UGT1A5: variants seen among roughly 807,000 people sequenced by gnomAD.
UGT1A5 encodes UDP glucuronosyltransferase family 1 member A5, also known as UDP-glucuronosyltransferase 1A5.
In UGT1A5, 29 loss-of-function variants were observed where a neutral mutation model predicts 40.3. That is an observed-to-expected ratio of 0.72 (90% CI 0.54 to 0.98). UGT1A5 has a LOEUF of 0.98. Among genes scored for constraint, UGT1A5 ranks in the 50% least tolerant of loss-of-function variants. UGT1A5 has a pLI of 0.00. For missense variants in UGT1A5, 678 were observed against 677.9 expected, an observed-to-expected ratio of 1.00 and a Z score of 0.00; for synonymous variants, 257 against 262.5, an observed-to-expected ratio of 0.98 and a Z score of 0.20.
chr2:233,729,273 G>A (rs759495463), intron 1 of UGT1A5: 2 of 1,614,242 alleles, frequency 1.2e-6, no homozygotes, highest in Non-Finnish European at 1.7e-6. Context: ...AGGTCTTGCG[G>A]GAGCTCCATG....
At position 233,728,107 on chromosome 2, in the gene UGT1A5, C is replaced by T. The variant is rs144723980; in HGVS notation, c.867+14249C>T. On this transcript the variant is annotated intron_variant, in intron 1 of 4. Transcript: ENST00000373414. ...CCTTTAGAAAGGCACATATTTAATT[C>T]TCCATCTTGAAATTTGGACTAGGGC... Among the ~76,000 whole-genome samples, 25 of 152,336 alleles carry T rather than the reference C, an allele frequency of 1.6e-4. No individual in the cohort carries two copies. In the East Asian group the frequency reaches 4.2e-3, roughly 26 times the overall value.
intron 1 of UGT1A5, among the ~76,000 whole-genome samples, chr2:233,727,388 C>T (rs1479838653): frequency 6.6e-6 from 1 of 152,174 alleles, no homozygotes; most frequent in Admixed American, 6.5e-5. Flanking sequence ...GTACCACCGT[C>T]TTCCAAGATA....
chr2:233,725,249 G>GGAGGCAGAGGCAGAGGAGGCAGAGGCA (rs1559370464), intron 1 of UGT1A5, among the ~76,000 whole-genome samples: 1 of 48,520 alleles, frequency 2.1e-5, no homozygotes, highest in Non-Finnish European at 3.8e-5. Context: ...CAGAGGCAGA[G>GGAGGCAGAGGCAGAGGAGGCAGAGGCA]GAGGCAGAGG....
intron 1 of UGT1A5, among the ~76,000 whole-genome samples, chr2:233,736,165 G>A (rs533285485): frequency 1.2e-4 from 19 of 152,088 alleles, no homozygotes; most frequent in Non-Finnish European, 2.6e-4. Context: ...CGTAGATTTG[G>A]TCTTTCCACA....
intron 1 of UGT1A5, chr2:233,719,812 CAG>C: frequency 6.3e-7 from 1 of 1,587,558 alleles, no homozygotes; most frequent in Non-Finnish European, 8.6e-7. Flanking sequence ...TTCTTTATAA[CAG>C]ATAAACTGTT....
intron 1 of UGT1A5, chr2:233,743,825 T>G: frequency 7.3e-7 from 1 of 1,367,228 alleles, no homozygotes; most frequent in South Asian, 1.1e-5. Flanking sequence ...TTTGTCGGGG[T>G]GCCACTTGAG....
chr2:233,743,455 A>G (rs781319015), intron 1 of UGT1A5: 2 of 1,366,026 alleles, frequency 1.5e-6, no homozygotes, highest in Non-Finnish European at 9.8e-7. Flanking sequence ...AAAAGAAGAA[A>G]AAACACCCCC....
chr2:233,743,699 G>A (rs780880081), intron 1 of UGT1A5: 5 of 1,367,152 alleles, frequency 3.7e-6, no homozygotes, highest in African/African-American at 3.0e-5. Context: ...GCCGCCCTCC[G>A]CCCCCGCCTC....
intron 1 of UGT1A5, among the ~76,000 whole-genome samples, chr2:233,750,277 G>A (rs1168754564): frequency 6.6e-6 from 1 of 151,936 alleles, no homozygotes; most frequent in Non-Finnish European, 1.5e-5. Context: ...TTAGCAAAGA[G>A]ACTGGTGGCA....
chr2:233,754,442 A>C (rs1695486969), intron 1 of UGT1A5: 2 of 350,172 alleles, frequency 5.7e-6, no homozygotes, highest in African/African-American at 4.3e-5. Flanking sequence ...AGTGTTTATA[A>C]ATTCTTGGGT....
chr2:233,719,540 G>C (rs1488835292), intron 1 of UGT1A5: 11 of 1,613,770 alleles, frequency 6.8e-6, no homozygotes, highest in Non-Finnish European at 8.5e-6. Context: ...AGCTTTTTCA[G>C]AGAGAGGTGT....
At chr2:233,747,872 G>A (rs1394034943) in intron 1 of UGT1A5, 4 of 1,613,378 alleles carry the variant, frequency 2.5e-6, no homozygotes, top group African/African-American at 1.3e-5. Flanking sequence ...CTCTGGCCCT[G>A]TCCTACCTTT....
At chr2:233,753,361 T>G (rs1274018871) in intron 1 of UGT1A5, 1 of 152,246 alleles carries the variant, frequency 6.6e-6, no homozygotes, top group Admixed American at 6.5e-5. Context: ...ATTACTTGGG[T>G]GCCATTCCAT....
chr2:233,714,253 G>C (rs925570121), intron 1 of UGT1A5, among the ~76,000 whole-genome samples: 4 of 152,190 alleles, frequency 2.6e-5, no homozygotes, highest in African/African-American at 9.7e-5. Flanking sequence ...GGAAGGAATA[G>C]AAATTTACAA....
At chr2:233,729,970 G>A in intron 1 of UGT1A5, 4 of 1,614,030 alleles carry the variant, frequency 2.5e-6, no homozygotes, top group Non-Finnish European at 3.4e-6. Flanking sequence ...CATCAACTGT[G>A]CCAACAGGAA....
chr2:233,731,097 C>G (rs1453448635), intron 1 of UGT1A5, among the ~76,000 whole-genome samples: 1 of 151,946 alleles, frequency 6.6e-6, no homozygotes, highest in African/African-American at 2.4e-5. Flanking sequence ...ATTTCTGTGC[C>G]TTTTTTATAA....
At chr2:233,753,409 C>A (rs1226930464) in intron 1 of UGT1A5, 1 of 152,194 alleles carries the variant, frequency 6.6e-6, no homozygotes, top group African/African-American at 2.4e-5. Flanking sequence ...CATATCCAAA[C>A]CCATTGTCAC....
At chr2:233,751,830 G>A (rs571499151) in intron 1 of UGT1A5, among the ~76,000 whole-genome samples, 82 of 152,290 alleles carry the variant, frequency 5.4e-4, no homozygotes, top group Non-Finnish European at 9.3e-4. Flanking sequence ...CCAGCCATGT[G>A]GAACTGAGTC....
intron 1 of UGT1A5, chr2:233,743,495 A>G (rs1016583348): frequency 7.3e-7 from 1 of 1,367,212 alleles, no homozygotes; most frequent in Non-Finnish European, 9.8e-7. Flanking sequence ...AAGGCAGAGA[A>G]AAGGGGTGCA....
Sources: gnomAD v4.1 joint callset for allele counts (sites outside exome capture counted in the v4.1 genomes callset) on GRCh38, gnomAD v4.1.1 for gene constraint, MANE v1.5 for transcripts, NCBI Gene and HGNC (gene_info 2026-07-23, HGNC 2026-07-21) for gene names.